The following SLC35F3 variants were observed in gnomAD, a reference collection of about 807,000 sequenced individuals.
SLC35F3 encodes putative thiamine transporter SLC35F3.
SLC35F3 carries 25 observed loss-of-function variants against 49.9 expected under a neutral mutation model. The observed-to-expected ratio is 0.50, with a 90% CI of 0.37 to 0.70. The LOEUF (loss-of-function observed/expected upper bound fraction) is 0.70, where lower values mean the gene tolerates loss of function less well. Ranked by LOEUF, SLC35F3 falls within the 30% of genes least tolerant of loss-of-function variation. The pLI is 0.00. For missense variants in SLC35F3, 525 were observed against 639.8 expected (o/e 0.82, Z 1.94); for synonymous variants, 275 against 265.4 (o/e 1.04, Z -0.35).
intron 2 of SLC35F3, among the ~76,000 whole-genome samples, chr1:234,197,670 G>A (rs1285467737): frequency 6.6e-6 from 1 of 152,266 alleles, no homozygotes; most frequent in African/African-American, 2.4e-5. Flanking sequence ...GAGGGTGGCA[G>A]CTCAGCAGAG....
chr1:234,304,249 C>T (rs1668742111), intron 3 of SLC35F3, among the ~76,000 whole-genome samples: 1 of 152,032 alleles, frequency 6.6e-6, no homozygotes, highest in Non-Finnish European at 1.5e-5. Context: ...GCAACCTCCA[C>T]CTCCAAGGTT....
intron 2 of SLC35F3, among the ~76,000 whole-genome samples, chr1:234,090,475 A>G (rs1440621890): frequency 1.3e-5 from 2 of 152,234 alleles, no homozygotes; most frequent in Middle Eastern, 3.2e-3. Flanking sequence ...AGGAGAATAA[A>G]TCTCAAATCC....
At chr1:234,236,560 C>T (rs1469464551) in intron 3 of SLC35F3, among the ~76,000 whole-genome samples, 1 of 152,112 alleles carries the variant, frequency 6.6e-6, no homozygotes, top group Non-Finnish European at 1.5e-5. Flanking sequence ...ATAAAGGACA[C>T]AGCCTGGACA....
chr1:234,209,485 C>A (rs1667019750), intron 2 of SLC35F3, among the ~76,000 whole-genome samples: 1 of 152,090 alleles, frequency 6.6e-6, no homozygotes, highest in Admixed American at 6.5e-5. Flanking sequence ...TTTAAATAGG[C>A]ATTCCCACCA....
intron 3 of SLC35F3, among the ~76,000 whole-genome samples, chr1:234,288,925 A>T (rs637780): frequency 0.21 from 31,276 of 152,114 alleles, 4,395 homozygotes; most frequent in East Asian, 0.72. Context: ...AATGTTACCC[A>T]TTTCAAATGG....
At chr1:234,194,322 T>G (rs1666772453) in intron 2 of SLC35F3, among the ~76,000 whole-genome samples, 2 of 152,230 alleles carry the variant, frequency 1.3e-5, no homozygotes, top group Admixed American at 1.3e-4. Context: ...GTAACTATTA[T>G]TCTAAGAGAA....
intron 2 of SLC35F3, among the ~76,000 whole-genome samples, chr1:234,035,783 A>G (rs1394709636): frequency 1.3e-5 from 2 of 152,182 alleles, no homozygotes; most frequent in Non-Finnish European, 2.9e-5. Flanking sequence ...TTTAAATTTA[A>G]CATTCTATCC....
At chr1:234,053,488 T>G (rs1306329033) in intron 2 of SLC35F3, among the ~76,000 whole-genome samples, 1 of 152,186 alleles carries the variant, frequency 6.6e-6, no homozygotes, top group Non-Finnish European at 1.5e-5. Flanking sequence ...GTTTTCTATT[T>G]CCTTGGTTGA....
At chr1:234,085,630 G>A (rs911494520) in intron 2 of SLC35F3, among the ~76,000 whole-genome samples, 2 of 152,088 alleles carry the variant, frequency 1.3e-5, no homozygotes, top group African/African-American at 4.8e-5. Context: ...TTTATTTGGG[G>A]GATATAAAGG....
At chr1:234,150,692 C>G (rs1337236752) in intron 2 of SLC35F3, among the ~76,000 whole-genome samples, 2 of 152,008 alleles carry the variant, frequency 1.3e-5, no homozygotes, top group Non-Finnish European at 2.9e-5. Flanking sequence ...TGTCGTTTTT[C>G]CATTCTGTCT....
chr1:233,967,641 C>T (rs554283369), intron 2 of SLC35F3, among the ~76,000 whole-genome samples: 1 of 152,174 alleles, frequency 6.6e-6, no homozygotes, highest in East Asian at 1.9e-4. Context: ...AAGAAATATT[C>T]CTCTAGAAAC....
chr1:234,266,879 T>TTG (rs1553259686), intron 3 of SLC35F3, among the ~76,000 whole-genome samples: 5 of 148,632 alleles, frequency 3.4e-5, no homozygotes, highest in Admixed American at 6.7e-5. Flanking sequence ...CATGGTTTTT[T>TTG]TTTTTTTTTT....
chr1:233,947,331 G>T (rs1390913853), intron 2 of SLC35F3, among the ~76,000 whole-genome samples: 1 of 152,048 alleles, frequency 6.6e-6, no homozygotes, highest in Non-Finnish European at 1.5e-5. Flanking sequence ...CCCTGAAACA[G>T]TAAGAGGGAG....
intron 2 of SLC35F3, among the ~76,000 whole-genome samples, chr1:234,015,966 A>G (rs533083831): frequency 6.6e-6 from 1 of 152,332 alleles, no homozygotes; most frequent in South Asian, 2.1e-4. Context: ...AAGAAAACAA[A>G]TAAATTAGAA....
chr1:234,076,856 G>T lies in SLC35F3; in HGVS notation c.284-154561G>T, dbSNP rs931534219. Among the ~76,000 whole-genome samples the T allele has an allele frequency of 2.0e-5, 3 of 152,204 alleles. No homozygotes were observed. The South Asian group carries it at 6.2e-4, about 31-fold the overall frequency. On this transcript the variant is annotated intron_variant, in intron 2 of 7. Transcript: ENST00000366618. ...CCCAAGGGGAGAGAGCCTGGCAGGG[G>T]TGTGTCCTGCAATGGAAATGCAGAG...
intron 2 of SLC35F3, among the ~76,000 whole-genome samples, chr1:233,970,835 G>A (rs1243080574): frequency 6.6e-6 from 1 of 152,198 alleles, no homozygotes; most frequent in Non-Finnish European, 1.5e-5. Context: ...AGCAGTGTGA[G>A]AGCATACATT....
intron 3 of SLC35F3, among the ~76,000 whole-genome samples, chr1:234,254,707 T>G (rs184914635): frequency 6.6e-6 from 1 of 152,212 alleles, no homozygotes; most frequent in East Asian, 1.9e-4. Flanking sequence ...GAGAAAAAAT[T>G]CTCTTAACCA....
At chr1:234,173,593 G>A (rs781199266) in intron 2 of SLC35F3, among the ~76,000 whole-genome samples, 4 of 152,210 alleles carry the variant, frequency 2.6e-5, no homozygotes, top group Non-Finnish European at 5.9e-5. Context: ...CAAAAGCACT[G>A]GCTAAGCATG....
intron 2 of SLC35F3, among the ~76,000 whole-genome samples, chr1:233,925,039 T>A (rs1410669710): frequency 1.3e-5 from 2 of 152,016 alleles, no homozygotes; most frequent in Non-Finnish European, 2.9e-5. Context: ...TGCTGAGGAG[T>A]GCTTTACTTC....
Sources: allele counts gnomAD v4.1 joint callset (sites outside exome capture counted in the v4.1 genomes callset), GRCh38; gene constraint gnomAD v4.1.1; transcripts MANE v1.5; gene names NCBI Gene and HGNC (gene_info 2026-07-23, HGNC 2026-07-21).